CACNA2D1: variants seen among roughly 807,000 people sequenced by gnomAD.
CACNA2D1 encodes the protein voltage-dependent calcium channel subunit alpha-2/delta-1.
A neutral mutation model predicts 171.5 loss-of-function variants in CACNA2D1; 53 were observed. The ratio of observed to expected loss-of-function variants is 0.31; its 90% CI spans 0.25 to 0.39. The LOEUF (loss-of-function observed/expected upper bound fraction) is 0.39. Among genes scored for constraint, CACNA2D1 ranks in the 10% least tolerant of loss-of-function variants. The pLI is 1.00. For missense variants in CACNA2D1, 903 were observed against 1,299.8 expected, an observed-to-expected ratio of 0.69 and a Z score of 4.69; for synonymous variants, 442 against 443.1, an observed-to-expected ratio of 1.00 and a Z score of 0.03.
rs574441184 is a variant in CACNA2D1, at chr7:82,202,644, C to T, written c.295-32035G>A. Among the ~76,000 whole-genome samples, 4 of 135,080 alleles carry T rather than the reference C, an allele frequency of 3.0e-5. No individual in the cohort carries two copies. In the South Asian group the frequency reaches 7.6e-4, roughly 26 times the overall value. 88.6% of individuals were successfully genotyped at this position (135,080 alleles called of 152,430 possible). On this transcript the variant is annotated intron_variant, in intron 3 of 38. Transcript: ENST00000356860. Reference sequence around the variant, plus strand: ...CACACTCAGCCCCTGAGGGATGCAGCGGAGGTAAGGGCACTCCAGGTGCTG... The same window carrying T: ...CACACTCAGCCCCTGAGGGATGCAGTGGAGGTAAGGGCACTCCAGGTGCTG...
rs578084794 is a variant in CACNA2D1 at position 82,278,113 on chromosome 7, GT to G, written c.294+57021del. Among the ~76,000 whole-genome samples the G allele has an allele frequency of 1.2e-4, 18 of 152,108 alleles. No homozygotes were observed. The South Asian group carries it at 3.5e-3, about 30-fold the overall frequency. ...ACAAGGCTCCTCTCTCCTTTAACAT[GT>G]ATGTTAACCTTCATTTATTCAACTT... On this transcript the variant is annotated intron_variant, in intron 3 of 38. Transcript: ENST00000356860.
intron 3 of CACNA2D1, among the ~76,000 whole-genome samples, chr7:82,332,349 T>A (rs1375854173): frequency 6.6e-6 from 1 of 152,080 alleles, no homozygotes; most frequent in Non-Finnish European, 1.5e-5. Flanking sequence ...AGCCACTGCA[T>A]CTGACCTCAG....
At chr7:81,990,082 G>T (rs1265155736) in intron 21 of CACNA2D1, among the ~76,000 whole-genome samples, 1 of 152,114 alleles carries the variant, frequency 6.6e-6, no homozygotes, top group African/African-American at 2.4e-5. Context: ...AGGTAGGGGG[G>T]TGACAAGATC....
intron 1 of CACNA2D1, among the ~76,000 whole-genome samples, chr7:82,385,423 C>T (rs546138092): frequency 6.6e-6 from 1 of 152,158 alleles, no homozygotes; most frequent in Non-Finnish European, 1.5e-5. Flanking sequence ...GATAAATGAA[C>T]ACAAAAGTCT....
chr7:82,250,788 T>C lies in CACNA2D1; in HGVS notation c.295-80179A>G, dbSNP rs1805538083. ...TTTTCTTGAAAAGATTTCACAAGAGTTCTGGTTTACTGGTAATTTCAAATA... is the reference window on the plus strand; with the variant it reads ...TTTTCTTGAAAAGATTTCACAAGAGCTCTGGTTTACTGGTAATTTCAAATA... On this transcript the variant is annotated intron_variant, in intron 3 of 38. Transcript: ENST00000356860. Among the ~76,000 whole-genome samples, 9 of 152,152 alleles carry C rather than the reference T, an allele frequency of 5.9e-5. No homozygotes were observed. The South Asian group carries it at 1.9e-3, about 32-fold the overall frequency.
chr7:82,077,092 G>GTATTTAATT (rs1484857395), intron 7 of CACNA2D1, among the ~76,000 whole-genome samples: 7 of 152,214 alleles, frequency 4.6e-5, no homozygotes, highest in Non-Finnish European at 1.0e-4. Flanking sequence ...AATTTAAGAT[G>GTATTTAATT]TATTTAATTT....
At chr7:82,335,794 A>G (rs1000637053) in intron 2 of CACNA2D1, among the ~76,000 whole-genome samples, 2 of 152,240 alleles carry the variant, frequency 1.3e-5, no homozygotes, top group African/African-American at 4.8e-5. Context: ...GGTTTTGGTT[A>G]GAACGGTAAT....
intron 3 of CACNA2D1, among the ~76,000 whole-genome samples, chr7:82,187,881 G>A (rs1351670536): frequency 3.3e-5 from 5 of 152,060 alleles, no homozygotes; most frequent in Non-Finnish European, 2.9e-5. Context: ...GTCTGGTGAG[G>A]GTCTGCTTTC....
At chr7:82,096,981 C>T (rs1811959351) in intron 6 of CACNA2D1, among the ~76,000 whole-genome samples, 1 of 152,032 alleles carries the variant, frequency 6.6e-6, no homozygotes, top group African/African-American at 2.4e-5. Context: ...CTATGAGTAA[C>T]ACCTGCCTAT....
intron 3 of CACNA2D1, among the ~76,000 whole-genome samples, chr7:82,207,372 C>A (rs999088332): frequency 6.6e-6 from 1 of 152,140 alleles, no homozygotes; most frequent in Non-Finnish European, 1.5e-5. Flanking sequence ...CAATTGTTTG[C>A]AAACCTCCCA....
intron 3 of CACNA2D1, among the ~76,000 whole-genome samples, chr7:82,258,437 A>C (rs1806570323): frequency 6.6e-6 from 1 of 152,154 alleles, no homozygotes; most frequent in African/African-American, 2.4e-5. Context: ...AAAGAGCTTC[A>C]ATTCTTGAGT....
intron 3 of CACNA2D1, among the ~76,000 whole-genome samples, chr7:82,310,277 T>C (rs887893646): frequency 2.0e-5 from 3 of 151,842 alleles, no homozygotes; most frequent in Admixed American, 2.0e-4. Context: ...ATGCAATGTG[T>C]ACAAGAAAAG....
intron 7 of CACNA2D1, among the ~76,000 whole-genome samples, chr7:82,067,748 A>G (rs1157653248): frequency 1.3e-5 from 2 of 152,150 alleles, no homozygotes; most frequent in African/African-American, 4.8e-5. Flanking sequence ...GTGTGGTAGC[A>G]CTAGAATTAA....
chr7:82,282,376 T>C (rs1810227026), intron 3 of CACNA2D1, among the ~76,000 whole-genome samples: 1 of 151,988 alleles, frequency 6.6e-6, no homozygotes, highest in African/African-American at 2.4e-5. Context: ...TCTAGGGAAG[T>C]TGGGGAATAT....
rs7807389 is a variant in CACNA2D1 at position 82,078,410 on chromosome 7, C to T, written c.658+6359G>A. On this transcript the variant is annotated intron_variant, in intron 7 of 38. Transcript: ENST00000356860. ...CAGGAGATATTAACAGGTGAAATGA[C>T]CAGTTTGTACCTATGGTTTTTATGA... is the stretch of plus-strand genomic sequence containing the variant. Among the ~76,000 whole-genome samples the T allele has an allele frequency of 9.9e-5, 15 of 151,994 alleles. No individual in the cohort carries two copies. The South Asian group carries it at 3.1e-3, about 31-fold the overall frequency.
At chr7:82,103,301 A>G (rs772972971) in intron 6 of CACNA2D1, among the ~76,000 whole-genome samples, 6 of 152,284 alleles carry the variant, frequency 3.9e-5, no homozygotes, top group Non-Finnish European at 8.8e-5. Flanking sequence ...ATTTTAAAAA[A>G]TAAGGAATAA....
At chr7:82,390,676 T>G (rs1362837938) in intron 1 of CACNA2D1, among the ~76,000 whole-genome samples, 1 of 152,130 alleles carries the variant, frequency 6.6e-6, no homozygotes, top group East Asian at 1.9e-4. Context: ...TACCACCTAT[T>G]CAAACGACTC....
At chr7:82,407,468 T>C (rs1345461798) in intron 1 of CACNA2D1, among the ~76,000 whole-genome samples, 1 of 152,146 alleles carries the variant, frequency 6.6e-6, no homozygotes, top group East Asian at 1.9e-4. Flanking sequence ...GGTCTGCACA[T>C]TGGTCACAAA....
intron 3 of CACNA2D1, among the ~76,000 whole-genome samples, chr7:82,330,991 A>G (rs1817240362): frequency 6.6e-6 from 1 of 152,124 alleles, no homozygotes; most frequent in Admixed American, 6.6e-5. Flanking sequence ...GAAATGTACT[A>G]TCTCTGTCCT....
Sources: allele counts gnomAD v4.1 joint callset (sites outside exome capture counted in the v4.1 genomes callset), GRCh38; gene constraint gnomAD v4.1.1; transcripts MANE v1.5; gene names NCBI Gene and HGNC (gene_info 2026-07-23, HGNC 2026-07-21).